The following PHACTR1 variants were observed in gnomAD, a reference collection of about 807,000 sequenced individuals.
The protein encoded by PHACTR1 is RPEL repeat containing 1.
Under a neutral mutation model 69.2 loss-of-function variants are expected in PHACTR1, and 16 were observed. That is an observed-to-expected ratio of 0.23 (90% confidence interval 0.16 to 0.35). PHACTR1 has a LOEUF of 0.35. Among genes scored for constraint, PHACTR1 ranks in the 10% least tolerant of loss-of-function variants. PHACTR1 has a pLI of 1.00. For missense variants in PHACTR1, 510 were observed against 734.7 expected (o/e 0.69, Z 3.54); for synonymous variants, 312 against 284.5 (o/e 1.10, Z -0.97).
chr6:13,020,484 C>T lies in PHACTR1; in HGVS notation c.251-32881C>T, dbSNP rs568342531. Among the ~76,000 whole-genome samples the T allele has an allele frequency of 1.6e-4, 25 of 152,222 alleles. No homozygotes were observed. In the East Asian group the frequency reaches 4.3e-3, roughly 26 times the overall value. On this transcript the variant is annotated intron_variant, in intron 4 of 14. Coordinates refer to ENST00000332995, the MANE Select transcript of PHACTR1 (RefSeq NM_030948.6). ...AGGCAGACTCAGGATGTCATGGACA[C>T]GTAGGTGGGGAACCCATCTCCTCCC...
chr6:13,050,137 T>A (rs543104144), intron 4 of PHACTR1, among the ~76,000 whole-genome samples: 5 of 152,236 alleles, frequency 3.3e-5, no homozygotes, highest in South Asian at 2.1e-4. Context: ...TCTGCTGACA[T>A]TGTTGAAGAA....
At chr6:12,759,311 C>T (rs1767755150) in intron 4 of PHACTR1, among the ~76,000 whole-genome samples, 1 of 152,042 alleles carries the variant, frequency 6.6e-6, no homozygotes, top group Non-Finnish European at 1.5e-5. Context: ...CTCCACTCCA[C>T]TCTAATATAT....
intron 4 of PHACTR1, chr6:12,933,562 T>C: frequency 6.3e-7 from 1 of 1,583,796 alleles, no homozygotes; most frequent in South Asian, 1.2e-5. Context: ...CCAGGGTGAT[T>C]CTTCTTGTTA....
intron 4 of PHACTR1, among the ~76,000 whole-genome samples, chr6:12,938,339 A>G (rs887044503): frequency 2.0e-5 from 3 of 152,152 alleles, no homozygotes; most frequent in Non-Finnish European, 4.4e-5. Context: ...GCCTTCACCA[A>G]GCTAATTGAT....
intron 7 of PHACTR1, among the ~76,000 whole-genome samples, chr6:13,204,977 T>C (rs1765697140): frequency 6.6e-6 from 1 of 152,222 alleles, no homozygotes; most frequent in South Asian, 2.1e-4. Flanking sequence ...AGACATATAT[T>C]GTAGACTAGC....
At chr6:13,115,921 C>T (rs114781397) in intron 5 of PHACTR1, among the ~76,000 whole-genome samples, 1,945 of 152,252 alleles carry the variant, frequency 0.013, 33 homozygotes, top group African/African-American at 0.044. Context: ...GGGGATTTCT[C>T]AGCTAAGCTG....
rs554439506 is a variant in PHACTR1 at position 12,985,362 on chromosome 6, T to C, written c.251-68003T>C. On this transcript the variant is annotated intron_variant, in intron 4 of 14. Coordinates refer to ENST00000332995, the MANE Select transcript of PHACTR1 (RefSeq NM_030948.6). ...TCAAATAGCAGGCATAGGTTTAAAA[T>C]TGATTGAAGGTAGATGCAGTTGGAT... 1.9e-4 allele frequency among the ~76,000 whole-genome samples: 29 copies of C among 152,070 alleles called. No individual in the cohort carries two copies. The East Asian group carries it at 2.7e-3, about 14-fold the overall frequency.
intron 5 of PHACTR1, among the ~76,000 whole-genome samples, chr6:13,069,055 G>C (rs963847668): frequency 2.0e-5 from 3 of 152,082 alleles, no homozygotes; most frequent in African/African-American, 7.2e-5. Flanking sequence ...AGATGTGCAG[G>C]CCCCGAGGCC....
At chr6:13,077,379 C>A (rs141868249) in intron 5 of PHACTR1, among the ~76,000 whole-genome samples, 2 of 152,252 alleles carry the variant, frequency 1.3e-5, no homozygotes, top group African/African-American at 2.4e-5. Flanking sequence ...GGCCTGCACA[C>A]CTAACCGTGG....
intron 4 of PHACTR1, among the ~76,000 whole-genome samples, chr6:13,037,296 C>CT (rs1477083676): frequency 1.3e-5 from 2 of 152,162 alleles, no homozygotes; most frequent in African/African-American, 4.8e-5. Flanking sequence ...AGAAGCCTCA[C>CT]TACCTACAGG....
chr6:12,766,964 A>T (rs1331976086), intron 4 of PHACTR1, among the ~76,000 whole-genome samples: 1 of 152,230 alleles, frequency 6.6e-6, no homozygotes, highest in Non-Finnish European at 1.5e-5. Context: ...ATAGGCTTCC[A>T]TCTTTAGAAT....
chr6:13,267,631 C>T (rs1319636516), intron 10 of PHACTR1: 1 of 152,060 alleles, frequency 6.6e-6, no homozygotes. Flanking sequence ...ACTGTTGATC[C>T]AGTTTTACCT....
At chr6:13,242,238 AGAG>A (rs1197034937) in intron 10 of PHACTR1, among the ~76,000 whole-genome samples, 1 of 152,194 alleles carries the variant, frequency 6.6e-6, no homozygotes, top group Non-Finnish European at 1.5e-5. Context: ...AAGAGCAGGC[AGAG>A]GAGGCACACA....
At chr6:13,054,926 A>C (rs533885533) in intron 5 of PHACTR1, among the ~76,000 whole-genome samples, 1 of 152,220 alleles carries the variant, frequency 6.6e-6, no homozygotes, top group East Asian at 1.9e-4. Flanking sequence ...GCCTGCTCAG[A>C]ATCATCACCT....
At chr6:12,852,968 A>AT (rs564054432) in intron 4 of PHACTR1, among the ~76,000 whole-genome samples, 4 of 152,288 alleles carry the variant, frequency 2.6e-5, no homozygotes, top group Admixed American at 6.5e-5. Flanking sequence ...GGTATAATGC[A>AT]TCCTATGTGA....
Position 13,039,500 on chromosome 6 carries a change from C to G in PHACTR1, c.251-13865C>G, listed in dbSNP as rs940014491. Among the ~76,000 whole-genome samples, 5 of 152,300 alleles carry G rather than the reference C, an allele frequency of 3.3e-5. No individual in the cohort carries two copies. In the East Asian group the frequency reaches 9.6e-4, roughly 29 times the overall value. On this transcript the variant is annotated intron_variant, in intron 4 of 14. Coordinates refer to ENST00000332995, the MANE Select transcript of PHACTR1 (RefSeq NM_030948.6). ...AGCCAAGATTGATATTTGATTAGCT[C>G]TGCAGTAAAGTTCCCATCAATAATT...
At chr6:13,139,211 C>T (rs1822030887) in intron 5 of PHACTR1, among the ~76,000 whole-genome samples, 1 of 150,288 alleles carries the variant, frequency 6.7e-6, no homozygotes, top group East Asian at 2.0e-4. Context: ...TCTTCTACAA[C>T]AGGGGTTAAC....
intron 5 of PHACTR1, among the ~76,000 whole-genome samples, chr6:13,123,080 G>C (rs1818974472): frequency 6.6e-6 from 1 of 152,106 alleles, no homozygotes; most frequent in Non-Finnish European, 1.5e-5. Flanking sequence ...CTCAGAACTT[G>C]GGAGGAGAAA....
chr6:12,870,849 AC>A (rs1781958713), intron 4 of PHACTR1, among the ~76,000 whole-genome samples: 1 of 152,210 alleles, frequency 6.6e-6, no homozygotes, highest in South Asian at 2.1e-4. Flanking sequence ...AAAAGGTTTC[AC>A]CAAAGCAGCT....
Sources: allele counts gnomAD v4.1 joint callset (sites outside exome capture counted in the v4.1 genomes callset), GRCh38; gene constraint gnomAD v4.1.1; transcripts MANE v1.5; gene names NCBI Gene and HGNC (gene_info 2026-07-23, HGNC 2026-07-21).